The following NMNAT3 variants were observed in gnomAD, a reference collection of about 807,000 sequenced individuals.
The protein encoded by NMNAT3 is nicotinamide/nicotinic acid mononucleotide adenylyltransferase 3.
Under a neutral mutation model 24.8 loss-of-function variants are expected in NMNAT3, and 21 were observed. That is an observed-to-expected ratio of 0.85 (90% CI 0.60 to 1.22). The LOEUF (loss-of-function observed/expected upper bound fraction) is 1.22. Among genes scored for constraint, NMNAT3 ranks in the 50% most tolerant of loss-of-function variants. NMNAT3 has a pLI of 0.00. For synonymous variants in NMNAT3, 136 were observed against 155.2 expected (o/e 0.88, Z 0.92); for missense variants, 387 against 436.6 (o/e 0.89, Z 1.01).
chr3:139,640,216 T>A (rs556864575), intron 1 of NMNAT3, among the ~76,000 whole-genome samples: 9 of 151,948 alleles, frequency 5.9e-5, no homozygotes, highest in African/African-American at 2.2e-4. Context: ...CAGAAGGAGG[T>A]CACACAGAAG....
rs144797581 is a variant in NMNAT3 at position 139,573,180 on chromosome 3, C to T, written c.658+418G>A. Among the ~76,000 whole-genome samples the T allele has an allele frequency of 2.4e-4, 36 of 152,256 alleles. No individual in the cohort carries two copies. In the East Asian group the frequency reaches 5.6e-3, roughly 24 times the overall value. ...AAATAGGTTTCCTCTTTTGAGTGAA[C>T]CATTGAGTAATTCTGCTATAAATAA... On this transcript the variant is annotated intron_variant, in intron 6 of 6. Transcript: ENST00000643695.
intron 2 of NMNAT3, among the ~76,000 whole-genome samples, chr3:139,630,265 C>A (rs933885532): frequency 6.6e-6 from 1 of 152,122 alleles, no homozygotes; most frequent in African/African-American, 2.4e-5. Context: ...ACAACAGAGG[C>A]CAGAAAAGGC....
chr3:139,592,748 C>A (rs1390538996), intron 3 of NMNAT3, among the ~76,000 whole-genome samples: 2 of 151,956 alleles, frequency 1.3e-5, no homozygotes, highest in African/African-American at 4.8e-5. Flanking sequence ...GAAATAAAAT[C>A]CTTTACAGAC....
intron 3 of NMNAT3, among the ~76,000 whole-genome samples, chr3:139,591,093 C>T (rs1315920719): frequency 6.6e-6 from 1 of 151,314 alleles, no homozygotes; most frequent in Non-Finnish European, 1.5e-5. Flanking sequence ...AGACAGTGGG[C>T]GCAGGCCAGT....
At position 139,578,973 on chromosome 3, in the gene NMNAT3, T is replaced by C; in HGVS notation, c.474A>G (p.Arg158=). ...GCAGGGCCAGCCGGGCCATGGCCACTCGGTGATGAGAAGCTGCGAGGTCTT... is the reference window on the plus strand; with the variant it reads ...GCAGGGCCAGCCGGGCCATGGCCACCCGGTGATGAGAAGCTGCGAGGTCTT... The change falls in exon 5 of 7, where the codon CGA becomes CGG. Residue 158 remains arginine, a synonymous_variant. Coordinates refer to ENST00000643695, the MANE Select transcript of NMNAT3 (RefSeq NM_001320510.2). 6.2e-7 allele frequency: 1 copy of C among 1,614,186 alleles called. No individual in the cohort carries two copies. Among genetic ancestry groups the C allele is most frequent in the African/African-American group, 1.3e-5 (1 of 75,038 alleles).
intron 1 of NMNAT3, among the ~76,000 whole-genome samples, chr3:139,640,411 C>T (rs1239305608): frequency 1.3e-5 from 2 of 152,168 alleles, no homozygotes; most frequent in Admixed American, 1.3e-4. Context: ...CAGCCTTGTC[C>T]TTAAGTTCTC....
chr3:139,594,068 G>A (rs1292802489), intron 3 of NMNAT3, among the ~76,000 whole-genome samples: 1 of 151,854 alleles, frequency 6.6e-6, no homozygotes, highest in East Asian at 1.9e-4. Context: ...TCACTAGCAA[G>A]ACTAATAAAG....
At chr3:139,600,452 CCCA>C (rs962930520) in intron 3 of NMNAT3, among the ~76,000 whole-genome samples, 6 of 152,068 alleles carry the variant, frequency 3.9e-5, no homozygotes, top group Admixed American at 2.0e-4. Context: ...ATTACAGGCA[CCCA>C]CCACCACGCT....
intron 3 of NMNAT3, among the ~76,000 whole-genome samples, chr3:139,609,087 T>C (rs1304352271): frequency 6.6e-6 from 1 of 152,208 alleles, no homozygotes; most frequent in East Asian, 1.9e-4. Context: ...CTTTTATTGC[T>C]GGGGAGTAGT....
chr3:139,659,004 TTAAATA>T (rs1367955381), intron 1 of NMNAT3, among the ~76,000 whole-genome samples: 3 of 152,188 alleles, frequency 2.0e-5, no homozygotes, highest in Non-Finnish European at 4.4e-5. Context: ...TTTTAGAACT[TTAAATA>T]TAAATAGAAT....
chr3:139,653,377 G>C (rs2057122121), intron 1 of NMNAT3, among the ~76,000 whole-genome samples: 4 of 152,124 alleles, frequency 2.6e-5, no homozygotes, highest in Admixed American at 2.6e-4. Flanking sequence ...ATGGAAATCA[G>C]GAGTTATAAA....
chr3:139,587,170 C>T (rs1212134003), intron 3 of NMNAT3, among the ~76,000 whole-genome samples: 2 of 152,186 alleles, frequency 1.3e-5, no homozygotes, highest in Non-Finnish European at 2.9e-5. Flanking sequence ...TCAGAACAGC[C>T]TCCTTCAGCT....
At chr3:139,572,006 G>A in intron 6 of NMNAT3, 1 of 397,098 alleles carries the variant, frequency 2.5e-6, no homozygotes, top group African/African-American at 2.1e-5. Context: ...CTGCCCCTTG[G>A]CCCAGAAATG....
At chr3:139,622,704 C>T (rs904970276) in intron 3 of NMNAT3, among the ~76,000 whole-genome samples, 1 of 148,172 alleles carries the variant, frequency 6.7e-6, no homozygotes, top group African/African-American at 2.5e-5. Flanking sequence ...CACTGCACTC[C>T]AGCCTGGGTG....
At chr3:139,667,996 T>C (rs2057639277) in intron 1 of NMNAT3, among the ~76,000 whole-genome samples, 1 of 152,176 alleles carries the variant, frequency 6.6e-6, no homozygotes. Context: ...GAGATAAGGA[T>C]ATGGGAGGTA....
chr3:139,672,611 G>C (rs991245048), intron 1 of NMNAT3: 1 of 152,238 alleles, frequency 6.6e-6, no homozygotes, highest in Non-Finnish European at 1.5e-5. Context: ...ACCCGACTAA[G>C]AGTAGCATGG....
rs1175973896 is a variant in NMNAT3, at chr3:139,669,804, C to A, written c.-141+7901G>T. ...TAATACAAATAAAGTTAAATATTTT[C>A]TCCTAATGAAGTTTTCTTTTAATAT... On this transcript the variant is annotated intron_variant, in intron 1 of 6. Coordinates refer to ENST00000643695, the MANE Select transcript of NMNAT3 (RefSeq NM_001320510.2). 3.3e-5 allele frequency among the ~76,000 whole-genome samples: 5 copies of A among 152,134 alleles called. No homozygotes were observed. In the East Asian group the frequency reaches 9.6e-4, roughly 29 times the overall value.
chr3:139,642,945 A>C (rs2056754653), intron 1 of NMNAT3, among the ~76,000 whole-genome samples: 1 of 151,958 alleles, frequency 6.6e-6, no homozygotes, highest in African/African-American at 2.4e-5. Flanking sequence ...CTTTCCATCC[A>C]TTTCTGTCTA....
At position 139,588,744 on chromosome 3, in the gene NMNAT3, C is replaced by T. The variant is rs182905157; in HGVS notation, c.110-5536G>A. On this transcript the variant is annotated intron_variant, in intron 3 of 6. Transcript: ENST00000643695. ...TTATCCTCCCATTGTGGCAGAAGGG[C>T]GCATATCTACTTTCTGCCTGGGTTG... Among the ~76,000 whole-genome samples the T allele has an allele frequency of 6.1e-4, 93 of 152,232 alleles. 2 individuals are homozygous for T. The East Asian group carries it at 0.013, about 22-fold the overall frequency.
Sources: gnomAD v4.1 joint callset for allele counts (sites outside exome capture counted in the v4.1 genomes callset) on GRCh38, gnomAD v4.1.1 for gene constraint, MANE v1.5 for transcripts, NCBI Gene and HGNC (gene_info 2026-07-23, HGNC 2026-07-21) for gene names.